Variants in CACNA1D observed in about 807,000 individuals in gnomAD.
CACNA1D encodes the protein voltage-dependent L-type calcium channel subunit alpha-1D.
CACNA1D carries 55 observed loss-of-function variants against 257.1 expected under a neutral mutation model. The observed-to-expected ratio is 0.21, with a 90% CI of 0.17 to 0.27. The LOEUF is 0.27. Among genes scored for constraint, CACNA1D ranks in the 10% least tolerant of loss-of-function variants. The probability of loss-of-function intolerance (pLI) is 1.00; values close to 1 mark genes in which losing one functional copy is unlikely to be tolerated. For missense variants in CACNA1D, 1,876 were observed against 2,784.0 expected (o/e 0.67, Z 7.34); for synonymous variants, 980 against 1,014.9 (o/e 0.97, Z 0.65).
intron 8 of CACNA1D, among the ~76,000 whole-genome samples, chr3:53,701,574 G>A (rs963146088): frequency 2.6e-5 from 4 of 152,230 alleles, no homozygotes; most frequent in Non-Finnish European, 4.4e-5. Context: ...GCAGACAGAA[G>A]TAACCTGTGT....
At chr3:53,520,849 CCTT>C (rs2091527609) in intron 3 of CACNA1D, among the ~76,000 whole-genome samples, 5 of 133,104 alleles carry the variant, frequency 3.8e-5, no homozygotes, top group African/African-American at 5.7e-5. Flanking sequence ...TTTGCAAACT[CCTT>C]TCTTTCTTTC....
intron 3 of CACNA1D, among the ~76,000 whole-genome samples, chr3:53,507,909 T>C (rs2090922492): frequency 6.6e-6 from 1 of 152,054 alleles, no homozygotes; most frequent in Non-Finnish European, 1.5e-5. Context: ...TGCGTATGTA[T>C]GTACAATTTA....
intron 3 of CACNA1D, among the ~76,000 whole-genome samples, chr3:53,565,317 A>G (rs2092814626): frequency 6.6e-6 from 1 of 152,018 alleles, no homozygotes; most frequent in Non-Finnish European, 1.5e-5. Flanking sequence ...TTGCAGGATA[A>G]TTTTTGACTG....
At chr3:53,510,764 G>A (rs1262349496) in intron 3 of CACNA1D, among the ~76,000 whole-genome samples, 5 of 152,272 alleles carry the variant, frequency 3.3e-5, no homozygotes, top group Admixed American at 6.5e-5. Flanking sequence ...AGTCTTGGGG[G>A]TTGGGTCTGG....
rs534378083 is a variant in CACNA1D at position 53,718,834 on chromosome 3, G to A, written c.1478+446G>A. The A allele has an allele frequency of 1.5e-5, 17 of 1,143,352 alleles. No individual in the cohort carries two copies. In the East Asian group the frequency reaches 1.8e-4, roughly 12 times the overall value. The allele number at this position is 1,143,352 out of a possible 1,614,324, so 70.8% of individuals were successfully genotyped here. ...AGAGTTGCTGACTAGAATGTGCTAC[G>A]TATTTAAGTTTTCCTTTGCTCATGG... On this transcript the variant is annotated intron_variant, in intron 10 of 47. Coordinates refer to ENST00000350061, the MANE Select transcript of CACNA1D (RefSeq NM_001128840.3).
intron 3 of CACNA1D, among the ~76,000 whole-genome samples, chr3:53,520,869 T>C (rs2091531846): frequency 1.2e-5 from 1 of 81,396 alleles, no homozygotes; most frequent in Non-Finnish European, 2.2e-5. Context: ...TTTCTTTCTT[T>C]CTTTCTTTCT....
chr3:53,750,330 TCC>T (rs775730522), intron 27 of CACNA1D, among the ~76,000 whole-genome samples: 1 of 152,212 alleles, frequency 6.6e-6, no homozygotes, highest in Non-Finnish European at 1.5e-5. Flanking sequence ...CTTTAGAGAT[TCC>T]TTGCAGCCCT....
intron 39 of CACNA1D, chr3:53,786,618 AT>A (rs2095454219): frequency 5.1e-6 from 3 of 587,176 alleles, no homozygotes; most frequent in Non-Finnish European, 9.1e-6. Context: ...ACTGACACTA[AT>A]TTTGAGCCTT....
At chr3:53,586,666 T>A (rs2093222903) in intron 3 of CACNA1D, among the ~76,000 whole-genome samples, 1 of 152,172 alleles carries the variant, frequency 6.6e-6, no homozygotes, top group Admixed American at 6.5e-5. Context: ...TACTTCTGTT[T>A]TCCTGTTATT....
intron 28 of CACNA1D, among the ~76,000 whole-genome samples, chr3:53,752,427 TCTCA>T (rs1188718545): frequency 6.6e-6 from 1 of 152,218 alleles, no homozygotes; most frequent in Non-Finnish European, 1.5e-5. Flanking sequence ...TTTGAGGCAG[TCTCA>T]CTCTGTAGCC....
intron 10 of CACNA1D, chr3:53,718,748 G>A (rs1035058149): frequency 6.4e-7 from 1 of 1,551,030 alleles, no homozygotes. Flanking sequence ...GGGGGTAAAG[G>A]CCTGATTCTC....
chr3:53,608,964 T>C (rs1465006638), intron 3 of CACNA1D, among the ~76,000 whole-genome samples: 4 of 152,248 alleles, frequency 2.6e-5, no homozygotes, highest in Admixed American at 6.5e-5. Flanking sequence ...TCTGGTATTG[T>C]TGGCTTCATA....
chr3:53,723,902 G>T lies in CACNA1D; in HGVS notation c.2003G>T (p.Gly668Val), dbSNP rs1553647749. The T allele has an allele frequency of 6.2e-7, 1 of 1,614,114 alleles. No homozygotes were observed. The highest frequency in any genetic ancestry group is 8.5e-7 in the Non-Finnish European group (1 of 1,180,016). The change falls in exon 14 of 48, where the codon GGG (glycine) becomes GTG (valine). Residue 668 changes from glycine (G) to valine (V), a missense_variant. Gly to Val is a moderately radical substitution (Grantham distance 109, BLOSUM62 -3). This residue lies in a region of CACNA1D where 257 missense variants were observed against 399.7 expected (regional missense o/e 0.64). Coordinates refer to ENST00000350061, the MANE Select transcript of CACNA1D (RefSeq NM_001128840.3). The surrounding 1 kb of genome is among the most constrained non-coding windows in gnomAD (Gnocchi z 5.6). ...TTCATTATCATCTTTTCCTTGCTTGGGATGCAGCTGTTTGGCGGCAAGTTT... is the reference window on the plus strand; with the variant it reads ...TTCATTATCATCTTTTCCTTGCTTGTGATGCAGCTGTTTGGCGGCAAGTTT... ...FLFIIIFSLL[G>V]MQLFGGKFNF...
intron 40 of CACNA1D, among the ~76,000 whole-genome samples, chr3:53,797,330 G>A (rs1317814028): frequency 6.6e-6 from 1 of 152,142 alleles, no homozygotes; most frequent in African/African-American, 2.4e-5. Flanking sequence ...AGTCGTGGGG[G>A]ACAGCCTGAC....
intron 8 of CACNA1D, among the ~76,000 whole-genome samples, chr3:53,693,700 G>A (rs537118966): frequency 6.6e-6 from 1 of 152,164 alleles, no homozygotes; most frequent in South Asian, 2.1e-4. Flanking sequence ...GCCTTTATAA[G>A]TGTTGCCTTT....
rs1193344309 is a variant in CACNA1D, at chr3:53,774,522, T to G, written c.4111-65T>G. On this transcript the variant is annotated intron_variant, in intron 33 of 47. Transcript: ENST00000350061. The surrounding 1 kb of genome is among the most constrained non-coding windows in gnomAD (Gnocchi z 4.3). ...GATCAAACCTGAGTTAGTTCTAAAT[T>G]CACATACGGATTTTTTTTGCATGAC... The G allele has an allele frequency of 1.0e-6, 1 of 969,966 alleles. No individual in the cohort carries two copies. Among genetic ancestry groups the G allele is most frequent in the Non-Finnish European group, 1.7e-6 (1 of 592,854 alleles). The allele number at this position is 969,966 out of a possible 1,614,324, so 60.1% of individuals were successfully genotyped here.
chr3:53,603,401 G>T (rs1206844669), intron 3 of CACNA1D, among the ~76,000 whole-genome samples: 1 of 152,164 alleles, frequency 6.6e-6, no homozygotes, highest in African/African-American at 2.4e-5. Flanking sequence ...TTGTGCCTCG[G>T]ATTTCTCATC....
chr3:53,809,276 C>T (rs374862135), intron 46 of CACNA1D: 5 of 168,580 alleles, frequency 3.0e-5, no homozygotes, highest in South Asian at 3.1e-4. Flanking sequence ...ACGTTGAGGG[C>T]GGCTGCACAG....
At chr3:53,638,197 G>T (rs1218425660) in intron 3 of CACNA1D, among the ~76,000 whole-genome samples, 1 of 152,170 alleles carries the variant, frequency 6.6e-6, no homozygotes, top group East Asian at 1.9e-4. Flanking sequence ...GGGGATCTGG[G>T]CCCTCTTTCA....
Sources: allele counts gnomAD v4.1 joint callset (sites outside exome capture counted in the v4.1 genomes callset), GRCh38; gene constraint gnomAD v4.1.1; regional missense constraint gnomAD v4.1.1; non-coding constraint Gnocchi (gnomAD v3.1); transcripts MANE v1.5; gene names NCBI Gene and HGNC (gene_info 2026-07-23, HGNC 2026-07-21).